The following MTMR7 variants were observed in gnomAD, a reference collection of about 807,000 sequenced individuals.
MTMR7 encodes the protein phosphatidylinositol-3-phosphate phosphatase MTMR7.
Under a neutral mutation model 81.2 loss-of-function variants are expected in MTMR7, and 76 were observed. That is an observed-to-expected ratio of 0.94 (90% confidence interval 0.78 to 1.13). The LOEUF (loss-of-function observed/expected upper bound fraction) is 1.13. MTMR7 is among the 50% of genes most tolerant of loss of function. The probability of loss-of-function intolerance (pLI) is 0.00; values close to 1 mark genes in which losing one functional copy is unlikely to be tolerated. For missense variants in MTMR7, 1,044 were observed against 820.0 expected (o/e 1.27, Z -3.34); for synonymous variants, 372 against 289.8 (o/e 1.28, Z -2.88).
intron 4 of MTMR7, among the ~76,000 whole-genome samples, chr8:17,356,026 G>A (rs561816698): frequency 1.3e-5 from 2 of 152,294 alleles, no homozygotes; most frequent in East Asian, 3.9e-4. Flanking sequence ...AGTGGTGCTG[G>A]AGCAGGAGAA....
At chr8:17,348,471 A>C (rs1462344005) in intron 5 of MTMR7, among the ~76,000 whole-genome samples, 2 of 150,260 alleles carry the variant, frequency 1.3e-5, no homozygotes, top group Non-Finnish European at 3.0e-5. Flanking sequence ...AATTGCTTGA[A>C]CCTGGGAGGC....
chr8:17,357,367 T>C (rs1284332691), intron 4 of MTMR7, among the ~76,000 whole-genome samples: 1 of 152,202 alleles, frequency 6.6e-6, no homozygotes, highest in Non-Finnish European at 1.5e-5. Flanking sequence ...GGATGACAAA[T>C]ACAAATGTTA....
At chr8:17,399,110 G>A (rs916964280) in intron 1 of MTMR7, among the ~76,000 whole-genome samples, 1 of 151,424 alleles carries the variant, frequency 6.6e-6, no homozygotes, top group Non-Finnish European at 1.5e-5. Flanking sequence ...ATTCAACATA[G>A]TACTAGAAGT....
chr8:17,356,910 C>T (rs997097278), intron 4 of MTMR7, among the ~76,000 whole-genome samples: 9 of 152,128 alleles, frequency 5.9e-5, no homozygotes, highest in Admixed American at 6.5e-5. Context: ...TCCACGCAAA[C>T]ACTTTAGAAA....
intron 1 of MTMR7, among the ~76,000 whole-genome samples, chr8:17,400,067 A>G (rs1258385702): frequency 6.6e-6 from 1 of 152,198 alleles, no homozygotes; most frequent in Non-Finnish European, 1.5e-5. Flanking sequence ...TACCCTTTAA[A>G]AAATTCTTGA....
intron 6 of MTMR7, among the ~76,000 whole-genome samples, chr8:17,334,868 G>A (rs1260954724): frequency 6.6e-6 from 1 of 152,198 alleles, no homozygotes; most frequent in Non-Finnish European, 1.5e-5. Context: ...AAGAGAGAAA[G>A]CTAGAGCTGG....
At chr8:17,311,359 A>G (rs2150486112) in intron 9 of MTMR7, 152 bp downstream of exon 9, 7 of 1,028,954 alleles carry the variant, frequency 6.8e-6, no homozygotes, top group Non-Finnish European at 8.5e-6. Context: ...TGCTGATTAA[A>G]TTAATCTTGA....
rs1439199719 is a variant in MTMR7 at position 17,361,111 on chromosome 8, A to G, written c.468+6T>C. 4 of 1,614,030 alleles carry G rather than the reference A, an allele frequency of 2.5e-6. No homozygotes were observed. The highest frequency in any genetic ancestry group is 8.5e-7 in the Non-Finnish European group (1 of 1,179,978). ...CGGCTTCAGTGTTTGGGTTTCACGC[A>G]CTCACTCTGTAGTCTCTATTCACAT... is the stretch of plus-strand genomic sequence containing the variant. On this transcript the variant is annotated splice_donor_region_variant and intron_variant, in intron 4 of 13. Transcript: ENST00000180173.
intron 3 of MTMR7, among the ~76,000 whole-genome samples, chr8:17,363,656 T>G (rs909660057): frequency 2.0e-5 from 3 of 152,042 alleles, no homozygotes; most frequent in Admixed American, 6.6e-5. Context: ...TAAGGAAAAT[T>G]GTACACGAGG....
intron 1 of MTMR7, among the ~76,000 whole-genome samples, chr8:17,407,841 T>C (rs1821631779): frequency 6.6e-6 from 1 of 152,100 alleles, no homozygotes; most frequent in South Asian, 2.1e-4. Context: ...TAAAGGAAGA[T>C]AAAAGAAGAG....
At chr8:17,300,325 T>C in intron 13 of MTMR7, 101 bp from the exon 14 acceptor site, 1 of 1,269,520 alleles carries the variant, frequency 7.9e-7, no homozygotes, top group South Asian at 1.5e-5. Flanking sequence ...GTGGGTATAA[T>C]GTTAAGAACA....
At chr8:17,389,539 T>A (rs2150576826) in intron 1 of MTMR7, among the ~76,000 whole-genome samples, 1 of 152,322 alleles carries the variant, frequency 6.6e-6, no homozygotes, top group East Asian at 1.9e-4. Flanking sequence ...TTTTTGCCTA[T>A]CTTTGTAGCC....
At chr8:17,388,058 C>A (rs532095760) in intron 1 of MTMR7, among the ~76,000 whole-genome samples, 2 of 152,202 alleles carry the variant, frequency 1.3e-5, no homozygotes, top group African/African-American at 4.8e-5. Flanking sequence ...AAAGGCAGAA[C>A]AAGAAAAAAG....
At chr8:17,348,767 T>A (rs187254596) in intron 5 of MTMR7, among the ~76,000 whole-genome samples, 186 bp downstream of exon 5, 4 of 151,974 alleles carry the variant, frequency 2.6e-5, no homozygotes, top group Non-Finnish European at 5.9e-5. Context: ...CAAATAAACA[T>A]AGGAAGTCTA....
At chr8:17,310,252 TAA>T (rs1292902728) in intron 9 of MTMR7, among the ~76,000 whole-genome samples, 1 of 151,972 alleles carries the variant, frequency 6.6e-6, no homozygotes, top group African/African-American at 2.4e-5. Context: ...CCTCCCTCCT[TAA>T]CCTCCCAAAA....
intron 4 of MTMR7, among the ~76,000 whole-genome samples, chr8:17,357,558 T>TC (rs1469021285): frequency 9.2e-5 from 14 of 152,116 alleles, no homozygotes; most frequent in Admixed American, 2.0e-4. Context: ...CACCTTTTTT[T>TC]CCCTCATAGC....
At chr8:17,359,302 T>G (rs1399616289) in intron 4 of MTMR7, among the ~76,000 whole-genome samples, 4 of 152,122 alleles carry the variant, frequency 2.6e-5, no homozygotes, top group Non-Finnish European at 5.9e-5. Flanking sequence ...TATAGCAATG[T>G]AGCAAATCCT....
intron 12 of MTMR7, 104 bp from the exon 13 acceptor site, chr8:17,302,384 C>T: frequency 7.7e-7 from 1 of 1,299,134 alleles, no homozygotes. Context: ...TTAATAATAA[C>T]CAAATGCAAA....
chr8:17,366,885 C>CAAAAAAAAAAAAA (rs1277882494), intron 3 of MTMR7, among the ~76,000 whole-genome samples: 47 of 88,178 alleles, frequency 5.3e-4, no homozygotes, highest in Non-Finnish European at 6.1e-4. Context: ...GACTCCATCT[C>CAAAAAAAAAAAAA]AAAAAAAAAA....
Sources: allele counts gnomAD v4.1 joint callset (sites outside exome capture counted in the v4.1 genomes callset), GRCh38; gene constraint gnomAD v4.1.1; transcripts MANE v1.5; gene names NCBI Gene and HGNC (gene_info 2026-07-23, HGNC 2026-07-21).